The following DNAH6 variants were observed in gnomAD, a reference collection of about 807,000 sequenced individuals.
DNAH6 encodes the protein dynein axonemal heavy chain 6.
A neutral mutation model predicts 491.4 loss-of-function variants in DNAH6; 340 were observed. The observed-to-expected ratio is 0.69, with a 90% CI of 0.63 to 0.76. The LOEUF is 0.76. Among genes scored for constraint, DNAH6 ranks in the 30% least tolerant of loss-of-function variants. The pLI, the probability that DNAH6 is intolerant of heterozygous loss-of-function variation, is 0.00. For missense variants in DNAH6, 4,443 were observed against 4,972.2 expected (o/e 0.89, Z 3.20); for synonymous variants, 1,603 against 1,686.1 (o/e 0.95, Z 1.21).
chr2:84,686,291 T>C (rs1315843125), intron 43 of DNAH6, among the ~76,000 whole-genome samples, 193 bp from the exon 44 acceptor site: 1 of 152,228 alleles, frequency 6.6e-6, no homozygotes, highest in African/African-American at 2.4e-5. Flanking sequence ...TGTTAAGTAT[T>C]CTTAATCTTA....
intron 21 of DNAH6, among the ~76,000 whole-genome samples, chr2:84,608,908 A>T (rs1686038785): frequency 6.6e-6 from 1 of 152,186 alleles, no homozygotes; most frequent in South Asian, 2.1e-4. Context: ...TGTTGTTGAG[A>T]GTAGCCACCT....
intron 42 of DNAH6, 106 bp downstream of exon 42, chr2:84,681,634 C>A: frequency 1.0e-6 from 1 of 978,068 alleles, no homozygotes. Flanking sequence ...GTGACTCACC[C>A]AGAAATCCCA....
In DNAH6 at chr2:84,665,413, T is replaced by G. The variant is rs534427491; in HGVS notation, c.6085-3876T>G. Among the ~76,000 whole-genome samples the G allele has an allele frequency of 1.4e-3, 211 of 152,030 alleles. 1 individual carries two copies. The highest frequency in any genetic ancestry group is 1.3e-3 in the Non-Finnish European group (89 of 67,980). On this transcript the variant is annotated intron_variant, in intron 37 of 76. Coordinates refer to ENST00000389394, the MANE Select transcript of DNAH6 (RefSeq NM_001370.2). ...ATAGATGCAATAAAAAATGATAAAG[T>G]GGATATCACCACCAATCCCACAGAA... is the stretch of plus-strand genomic sequence containing the variant.
chr2:84,810,614 C>A (rs564285992), intron 72 of DNAH6, among the ~76,000 whole-genome samples: 29 of 152,206 alleles, frequency 1.9e-4, no homozygotes, highest in Non-Finnish European at 3.4e-4. Flanking sequence ...TTGTTCCCAG[C>A]CTCACCTTCC....
At chr2:84,650,352 G>A (rs1321422535) in intron 33 of DNAH6, among the ~76,000 whole-genome samples, 6 of 151,938 alleles carry the variant, frequency 3.9e-5, no homozygotes, top group Admixed American at 6.6e-5. Flanking sequence ...AATATTCTCC[G>A]TCTTGTTCAG....
intron 13 of DNAH6, 79 bp from the exon 14 acceptor site, chr2:84,579,448 C>A: frequency 2.0e-6 from 3 of 1,492,080 alleles, no homozygotes; most frequent in Non-Finnish European, 2.8e-6. Flanking sequence ...TTTAACAAAT[C>A]CAATTAGGAT....
At chr2:84,601,820 AT>A (rs1390623422) in intron 18 of DNAH6, among the ~76,000 whole-genome samples, 10 of 151,834 alleles carry the variant, frequency 6.6e-5, no homozygotes, top group Non-Finnish European at 1.2e-4. Flanking sequence ...TTAATTGCAT[AT>A]TTTATGATTC....
intron 65 of DNAH6, among the ~76,000 whole-genome samples, chr2:84,782,731 C>A (rs1676811138): frequency 1.3e-5 from 2 of 152,148 alleles, no homozygotes; most frequent in Non-Finnish European, 2.9e-5. Flanking sequence ...CTTATTTCTA[C>A]TTAAATAATT....
chr2:84,795,891 C>T (rs1011495494), intron 68 of DNAH6, among the ~76,000 whole-genome samples: 5 of 152,172 alleles, frequency 3.3e-5, no homozygotes, highest in Non-Finnish European at 7.4e-5. Context: ...AGGTTGAATG[C>T]CTTGCTGCAA....
intron 41 of DNAH6, among the ~76,000 whole-genome samples, chr2:84,678,729 C>T (rs771744484): frequency 6.6e-6 from 1 of 152,088 alleles, no homozygotes; most frequent in Non-Finnish European, 1.5e-5. Flanking sequence ...CACATCATAG[C>T]TAAAAACTGG....
intron 41 of DNAH6, among the ~76,000 whole-genome samples, chr2:84,678,360 A>C (rs1042918302): frequency 5.3e-5 from 8 of 152,314 alleles, no homozygotes; most frequent in African/African-American, 1.9e-4. Flanking sequence ...AGGCCTGCAC[A>C]CTTTTTTGAG....
chr2:84,797,725 AC>A, intron 70 of DNAH6, 67 bp downstream of exon 70: 1 of 1,189,986 alleles, frequency 8.4e-7, no homozygotes, highest in South Asian at 1.4e-5. Flanking sequence ...ATCAATAATC[AC>A]CCCCACTCAC....
At chr2:84,468,397 C>T in the DNAH6 span, among the ~76,000 whole-genome samples, 10 of 152,194 alleles carry the variant, frequency 6.6e-5, no homozygotes, top group African/African-American at 2.2e-4. Flanking sequence ...TCTGTGGTGC[C>T]TCCTGTTTAC....
At chr2:84,753,688 C>A (rs1221691353) in intron 63 of DNAH6, among the ~76,000 whole-genome samples, 1 of 134,622 alleles carries the variant, frequency 7.4e-6, no homozygotes, top group Non-Finnish European at 1.5e-5. Context: ...ACCCAGGAGA[C>A]AGAGGTTGTG....
At chr2:84,773,842 T>C (rs1675870727) in intron 64 of DNAH6, among the ~76,000 whole-genome samples, 1 of 152,148 alleles carries the variant, frequency 6.6e-6, no homozygotes, top group Admixed American at 6.6e-5. Flanking sequence ...TGATTAGTGA[T>C]GTTGAGAATT....
At chr2:84,566,663 A>G (rs1396678000) in intron 11 of DNAH6, among the ~76,000 whole-genome samples, 1 of 152,048 alleles carries the variant, frequency 6.6e-6, no homozygotes, top group Non-Finnish European at 1.5e-5. Flanking sequence ...AATAAAGCTT[A>G]TATGCATAAA....
chr2:84,764,374 G>A (rs1226583724), intron 64 of DNAH6, among the ~76,000 whole-genome samples: 2 of 152,172 alleles, frequency 1.3e-5, no homozygotes, highest in African/African-American at 2.4e-5. Flanking sequence ...ATGAGCATAT[G>A]AAAAGATGTC....
At chr2:84,674,856 C>A (rs1371251794) in intron 40 of DNAH6, among the ~76,000 whole-genome samples, 2 of 152,114 alleles carry the variant, frequency 1.3e-5, no homozygotes, top group African/African-American at 4.8e-5. Flanking sequence ...AATGCCTCTC[C>A]CTGGCACTCT....
At chr2:84,789,283 T>C (rs1677519002) in intron 68 of DNAH6, among the ~76,000 whole-genome samples, 1 of 152,298 alleles carries the variant, frequency 6.6e-6, no homozygotes, top group East Asian at 1.9e-4. Flanking sequence ...GCCAACACCA[T>C]AGACATCTCA....
Sources: allele counts gnomAD v4.1 joint callset (sites outside exome capture counted in the v4.1 genomes callset), GRCh38; gene constraint gnomAD v4.1.1; transcripts MANE v1.5; gene names NCBI Gene and HGNC (gene_info 2026-07-23, HGNC 2026-07-21).